Variants in SYCP1 observed in about 807,000 individuals in gnomAD.
The protein encoded by SYCP1 is synaptonemal complex protein 1, also known as cancer/testis antigen 8.
In SYCP1, 64 loss-of-function variants were observed where a neutral mutation model predicts 153.1. The observed-to-expected ratio is 0.42, with a 90% CI of 0.34 to 0.51. SYCP1 has a LOEUF of 0.51. SYCP1 is among the 20% of genes least tolerant of loss of function. The pLI is 0.06. For missense variants in SYCP1, 997 were observed against 1,049.0 expected, an observed-to-expected ratio of 0.95 and a Z score of 0.68; for synonymous variants, 384 against 341.8, an observed-to-expected ratio of 1.12 and a Z score of -1.36.
intron 27 of SYCP1, among the ~76,000 whole-genome samples, chr1:114,967,987 A>G (rs1672245722): frequency 6.6e-6 from 1 of 152,120 alleles, no homozygotes; most frequent in Non-Finnish European, 1.5e-5. Context: ...CTTTTCTTTA[A>G]GAATGTTGAA....
chr1:114,898,127 C>A (rs887666819), intron 16 of SYCP1, among the ~76,000 whole-genome samples: 3 of 152,168 alleles, frequency 2.0e-5, no homozygotes, highest in Non-Finnish European at 2.9e-5. Flanking sequence ...CCTCTGGATC[C>A]AGTTTTCTTT....
At chr1:114,945,058 T>G (rs969523161) in intron 25 of SYCP1, 76 bp downstream of exon 25, 9 of 1,052,026 alleles carry the variant, frequency 8.6e-6, no homozygotes, top group Non-Finnish European at 9.6e-6. Flanking sequence ...GAAATCAAGA[T>G]AGTATTCTTA....
At chr1:114,896,274 T>C (rs966622822) in intron 16 of SYCP1, among the ~76,000 whole-genome samples, 5 of 152,204 alleles carry the variant, frequency 3.3e-5, no homozygotes, top group African/African-American at 1.2e-4. Context: ...TTGGGGAGCA[T>C]TATTTTAAAA....
chr1:114,985,676 C>A (rs935585909), intron 30 of SYCP1, among the ~76,000 whole-genome samples: 2 of 151,274 alleles, frequency 1.3e-5, no homozygotes, highest in Non-Finnish European at 3.0e-5. Context: ...GTCTTAAAAC[C>A]CTAAATATTG....
At chr1:114,886,079 A>T in intron 13 of SYCP1, 46 bp from the exon 14 acceptor site, 1 of 1,333,786 alleles carries the variant, frequency 7.5e-7, no homozygotes, top group Non-Finnish European at 1.0e-6. Context: ...TTTTTTGGTT[A>T]AGGCCTTTGG....
At chr1:114,977,679 A>ACAAAAAATCATTTC in intron 28 of SYCP1, 63 bp downstream of exon 28, 1 of 1,088,100 alleles carries the variant, frequency 9.2e-7, no homozygotes, top group Non-Finnish European at 1.3e-6. Flanking sequence ...CTACTTAGAA[A>ACAAAAAATCATTTC]TGATTTTTTG....
intron 8 of SYCP1, among the ~76,000 whole-genome samples, chr1:114,866,281 AT>A (rs1462359967): frequency 5.3e-5 from 8 of 152,076 alleles, no homozygotes; most frequent in Admixed American, 6.6e-5. Context: ...TGGGTGTACA[AT>A]TTTTTATTTC....
At chr1:114,929,447 T>G (rs1669483911) in intron 23 of SYCP1, among the ~76,000 whole-genome samples, 1 of 151,970 alleles carries the variant, frequency 6.6e-6, no homozygotes, top group South Asian at 2.1e-4. Flanking sequence ...CATATACTAT[T>G]ACAAGAGATA....
chr1:114,938,522 A>C (rs1157021569), intron 23 of SYCP1, among the ~76,000 whole-genome samples: 1 of 152,146 alleles, frequency 6.6e-6, no homozygotes, highest in African/African-American at 2.4e-5. Context: ...CATTGTGCAC[A>C]TGTACCCTAG....
At chr1:114,926,408 C>T in intron 22 of SYCP1, 68 bp downstream of exon 22, 1 of 1,468,992 alleles carries the variant, frequency 6.8e-7, no homozygotes, top group South Asian at 1.4e-5. Context: ...GAGAATAATG[C>T]TTTCCCTTCC....
At chr1:114,919,379 T>C (rs1461753056) in intron 20 of SYCP1, among the ~76,000 whole-genome samples, 1 of 152,154 alleles carries the variant, frequency 6.6e-6, no homozygotes. Flanking sequence ...AATGATCTTT[T>C]TAATGTATTG....
rs1420919045 is a variant in SYCP1, at chr1:114,930,344, G to A, written c.1926+3781G>A. 2.0e-5 allele frequency among the ~76,000 whole-genome samples: 3 copies of A among 151,802 alleles called. No individual in the cohort carries two copies. In the East Asian group the frequency reaches 5.8e-4, roughly 29 times the overall value. On this transcript the variant is annotated intron_variant, in intron 23 of 31. Transcript: ENST00000369522. ...TAGAATAAGACATATCAAATAAATA[G>A]GAGAAACAATTAAATGAAGTCAAAA...
At chr1:114,913,940 C>A (rs1009742277) in intron 19 of SYCP1, 35 bp from the exon 20 acceptor site, 65 of 1,414,510 alleles carry the variant, frequency 4.6e-5, no homozygotes, top group Non-Finnish European at 5.7e-5. Flanking sequence ...TTTGTTTAAA[C>A]AAAATAATTG....
intron 16 of SYCP1, among the ~76,000 whole-genome samples, chr1:114,901,442 TA>T (rs1174808631): frequency 2.0e-5 from 3 of 152,174 alleles, no homozygotes; most frequent in African/African-American, 4.8e-5. Context: ...TTTCAAACTT[TA>T]CTAAAGGCTC....
intron 23 of SYCP1, among the ~76,000 whole-genome samples, chr1:114,941,589 C>A (rs1167710487): frequency 1.3e-5 from 2 of 151,884 alleles, no homozygotes; most frequent in Non-Finnish European, 2.9e-5. Context: ...TTATGTCTTA[C>A]TTATATGTTA....
chr1:114,881,345 GA>G (rs2101512610), intron 12 of SYCP1, among the ~76,000 whole-genome samples: 1 of 152,036 alleles, frequency 6.6e-6, no homozygotes, highest in African/African-American at 2.4e-5. Context: ...CTCCTTTAGT[GA>G]GAATATGTTT....
intron 23 of SYCP1, among the ~76,000 whole-genome samples, chr1:114,940,312 G>T (rs191645310): frequency 1.9e-3 from 285 of 152,204 alleles, no homozygotes; most frequent in Non-Finnish European, 2.5e-3. Context: ...GGCCAGACTG[G>T]TCTCAAACTC....
At chr1:114,940,447 C>A (rs184119225) in intron 23 of SYCP1, among the ~76,000 whole-genome samples, 1 of 152,244 alleles carries the variant, frequency 6.6e-6, no homozygotes, top group East Asian at 1.9e-4. Context: ...TTCTAATGTA[C>A]ACATTTCAAT....
intron 19 of SYCP1, among the ~76,000 whole-genome samples, 172 bp downstream of exon 19, chr1:114,913,322 G>A (rs943214481): frequency 3.3e-5 from 5 of 151,798 alleles, no homozygotes; most frequent in African/African-American, 1.2e-4. Context: ...AGGCAACAGA[G>A]GCTACCCTCT....
Sources: gnomAD v4.1 joint callset for allele counts (sites outside exome capture counted in the v4.1 genomes callset) on GRCh38, gnomAD v4.1.1 for gene constraint, MANE v1.5 for transcripts, NCBI Gene and HGNC (gene_info 2026-07-23, HGNC 2026-07-21) for gene names.